Variants in FYB2 observed in about 807,000 individuals in gnomAD.
FYB2 encodes the protein FYN binding protein 2.
A neutral mutation model predicts 94.1 loss-of-function variants in FYB2; 103 were observed. The observed-to-expected ratio is 1.09, with a 90% CI of 0.93 to 1.29. The LOEUF is 1.29. Among genes scored for constraint, FYB2 ranks in the 50% most tolerant of loss-of-function variants. The pLI is 0.00. For synonymous variants in FYB2, 293 were observed against 287.9 expected (o/e 1.02, Z -0.18); for missense variants, 896 against 841.5 (o/e 1.06, Z -0.80).
At chr1:56,766,159 A>G (rs943084644) in intron 5 of FYB2, among the ~76,000 whole-genome samples, 1 of 152,208 alleles carries the variant, frequency 6.6e-6, no homozygotes. Flanking sequence ...GAAATGCACA[A>G]TCTCAGACTC....
chr1:56,792,551 G>C lies in FYB2; in HGVS notation c.262C>G (p.Pro88Ala). 1 of 1,614,102 alleles carries C rather than the reference G, an allele frequency of 6.2e-7. No homozygotes were observed. Among genetic ancestry groups the C allele is most frequent in the Non-Finnish European group, 8.5e-7 (1 of 1,180,012 alleles). Residue 88 changes from proline (P) to alanine (A), a missense_variant, in exon 2 of 20, where the codon CCA (proline) becomes GCA (alanine). Coordinates refer to ENST00000343433, the MANE Select transcript of FYB2 (RefSeq NM_001004303.5). ...KIKLAQKSEI[P>A]KCSNSPGPLG... Reference sequence around the variant, plus strand: ...GGCCCTGGGGAGTTAGAACATTTTGGAATTTCACTCTTCTGAGCCAACTTT... The same window carrying C: ...GGCCCTGGGGAGTTAGAACATTTTGCAATTTCACTCTTCTGAGCCAACTTT...
Position 56,719,597 on chromosome 1 carries a change from C to CTGA in FYB2, c.*71_*73dup, listed in dbSNP as rs1644446414. 1.5e-6 allele frequency: 2 copies of CTGA among 1,320,886 alleles called. No individual in the cohort carries two copies. Among genetic ancestry groups the CTGA allele is most frequent in the Admixed American group, 2.4e-5 (1 of 41,840 alleles). 81.8% of individuals were successfully genotyped at this position (1,320,886 alleles called of 1,614,324 possible). On this transcript the variant is annotated 3_prime_UTR_variant, in exon 20 of 20. Coordinates refer to ENST00000343433, the MANE Select transcript of FYB2 (RefSeq NM_001004303.5). ...CAAAATTTTGACATGTAAACTGAAA[C>CTGA]TGATGTAACGCAGGACTAGGATCTT...
At chr1:56,772,305 C>A (rs1645776358) in intron 4 of FYB2, among the ~76,000 whole-genome samples, 1 of 152,054 alleles carries the variant, frequency 6.6e-6, no homozygotes, top group South Asian at 2.1e-4. Context: ...GAAAATTTTA[C>A]CAAAGTTTCC....
intron 1 of FYB2, among the ~76,000 whole-genome samples, chr1:56,803,119 C>T (rs1646559474): frequency 6.6e-6 from 1 of 152,118 alleles, no homozygotes. Context: ...CTTTGGAATT[C>T]AAATTTTTTC....
At chr1:56,802,528 T>A (rs1438821510) in intron 1 of FYB2, among the ~76,000 whole-genome samples, 1 of 152,192 alleles carries the variant, frequency 6.6e-6, no homozygotes, top group Non-Finnish European at 1.5e-5. Flanking sequence ...CATTTTAGGC[T>A]AAAGGAACAG....
chr1:56,732,645 A>G (rs1169757196), intron 15 of FYB2, among the ~76,000 whole-genome samples: 3 of 152,156 alleles, frequency 2.0e-5, no homozygotes, highest in Non-Finnish European at 2.9e-5. Context: ...AAACCAATGG[A>G]ACAGAATAGA....
At chr1:56,719,855 A>ATTTCT (rs776181956) in intron 19 of FYB2, among the ~76,000 whole-genome samples, 163 bp from the exon 20 acceptor site, 4 of 152,250 alleles carry the variant, frequency 2.6e-5, no homozygotes, top group South Asian at 2.1e-4. Flanking sequence ...CAGGAGAGAC[A>ATTTCT]GTAATAAAGT....
intron 1 of FYB2, among the ~76,000 whole-genome samples, chr1:56,801,608 C>T (rs1014308950): frequency 7.9e-5 from 12 of 152,128 alleles, no homozygotes; most frequent in African/African-American, 2.7e-4. Context: ...GAACCGTCTC[C>T]ACCACATCAA....
chr1:56,808,056 G>T (rs559827725), intron 1 of FYB2, among the ~76,000 whole-genome samples: 1 of 152,206 alleles, frequency 6.6e-6, no homozygotes, highest in East Asian at 1.9e-4. Flanking sequence ...GGTAAGTTTG[G>T]ATTTAACAAT....
chr1:56,761,409 G>A (rs577379999), intron 5 of FYB2, among the ~76,000 whole-genome samples: 277 of 152,186 alleles, frequency 1.8e-3, no homozygotes, highest in Admixed American at 4.4e-3. Flanking sequence ...GGTAAGAAAC[G>A]GCTTGCAAAT....
chr1:56,720,409 A>G, intron 17 of FYB2, 80 bp from the exon 18 acceptor site: 1 of 1,294,964 alleles, frequency 7.7e-7, no homozygotes, highest in Non-Finnish European at 1.0e-6. Context: ...GATATAATAT[A>G]GTAACTTCAA....
intron 9 of FYB2, 129 bp downstream of exon 9, chr1:56,750,915 A>T: frequency 9.1e-7 from 1 of 1,100,000 alleles, no homozygotes; most frequent in Non-Finnish European, 1.3e-6. Context: ...CAGCTTCCTC[A>T]CTAGGGCAAG....
At chr1:56,729,048 T>TAGTG (rs936018605) in intron 15 of FYB2, among the ~76,000 whole-genome samples, 14 of 152,182 alleles carry the variant, frequency 9.2e-5, no homozygotes, top group South Asian at 6.2e-4. Flanking sequence ...AACACAGGAA[T>TAGTG]AGTGGGTAAG....
In FYB2 at chr1:56,719,415, C is replaced by T; in HGVS notation, c.*256G>A. ...ATAAGTGCTCAAATGCTAACACATACTGTTTCACATTCTCTTGAACTGACA... is the reference window on the plus strand; with the variant it reads ...ATAAGTGCTCAAATGCTAACACATATTGTTTCACATTCTCTTGAACTGACA... On this transcript the variant is annotated 3_prime_UTR_variant, in exon 20 of 20. Coordinates refer to ENST00000343433, the MANE Select transcript of FYB2 (RefSeq NM_001004303.5). 2.4e-6 allele frequency: 1 copy of T among 416,076 alleles called. No homozygotes were observed. Among genetic ancestry groups the T allele is most frequent in the African/African-American group, 2.1e-5 (1 of 48,776 alleles). 25.8% of individuals were successfully genotyped at this position (416,076 alleles called of 1,614,324 possible).
At chr1:56,816,145 G>A (rs1646877206) in intron 1 of FYB2, among the ~76,000 whole-genome samples, 1 of 152,154 alleles carries the variant, frequency 6.6e-6, no homozygotes, top group South Asian at 2.1e-4. Flanking sequence ...AAAACAAAAA[G>A]CATTTTTCTA....
intron 1 of FYB2, among the ~76,000 whole-genome samples, chr1:56,816,325 G>A (rs1646881394): frequency 6.6e-6 from 1 of 152,152 alleles, no homozygotes; most frequent in South Asian, 2.1e-4. Context: ...AGGCTTAGCT[G>A]TAACTGTCAA....
rs1646453680 is a variant in FYB2, at chr1:56,798,642, GA to G, written c.10-5840del. Among the ~76,000 whole-genome samples the G allele has an allele frequency of 2.0e-5, 3 of 152,022 alleles. No individual in the cohort carries two copies. The South Asian group carries it at 6.2e-4, about 32-fold the overall frequency. On this transcript the variant is annotated intron_variant, in intron 1 of 19. Coordinates refer to ENST00000343433, the MANE Select transcript of FYB2 (RefSeq NM_001004303.5). The stretch of plus-strand genomic sequence containing the variant: ...AATGTTTATGTTACAGGAATCTAAG[GA>G]ATAATGATAATAATAATAATAACAA...
intron 5 of FYB2, among the ~76,000 whole-genome samples, chr1:56,763,466 G>A (rs1645547873): frequency 6.6e-6 from 1 of 152,116 alleles, no homozygotes; most frequent in Admixed American, 6.5e-5. Flanking sequence ...TTTATTTTGA[G>A]TGAGTTGTGG....
chr1:56,767,661 T>C (rs1645655322), intron 5 of FYB2, among the ~76,000 whole-genome samples, 168 bp downstream of exon 5: 1 of 152,166 alleles, frequency 6.6e-6, no homozygotes, highest in Admixed American at 6.5e-5. Flanking sequence ...TGGATTTATT[T>C]ATATTTTTAA....
Sources: gnomAD v4.1 joint callset for allele counts (sites outside exome capture counted in the v4.1 genomes callset) on GRCh38, gnomAD v4.1.1 for gene constraint, MANE v1.5 for transcripts, NCBI Gene and HGNC (gene_info 2026-07-23, HGNC 2026-07-21) for gene names.